Variants in DHX38 observed in about 807,000 individuals in gnomAD.
The protein encoded by DHX38 is pre-mRNA-splicing factor ATP-dependent RNA helicase PRP16.
DHX38 carries 100 observed loss-of-function variants against 153.1 expected under a neutral mutation model. That is an observed-to-expected ratio of 0.65 (90% confidence interval 0.56 to 0.77). The LOEUF (loss-of-function observed/expected upper bound fraction) is 0.77. Ranked by LOEUF, DHX38 falls within the 30% of genes least tolerant of loss-of-function variation. The pLI is 0.00. For synonymous variants in DHX38, 650 were observed against 631.7 expected, an observed-to-expected ratio of 1.03 and a Z score of -0.43; for missense variants, 1,440 against 1,654.0, an observed-to-expected ratio of 0.87 and a Z score of 2.24.
chr16:72,097,503 A>T, intron 3 of DHX38, 174 bp from the exon 4 acceptor site: 1 of 577,254 alleles, frequency 1.7e-6, no homozygotes, highest in Non-Finnish European at 3.0e-6. Flanking sequence ...GGCAGTAACT[A>T]TTTTTCCCCC....
Position 72,101,279 on chromosome 16 carries a change from T to C in DHX38, c.1386+86T>C, listed in dbSNP as rs2042096933. 10 of 1,467,694 alleles carry C rather than the reference T, an allele frequency of 6.8e-6. 1 individual carries two copies. The South Asian group carries it at 8.4e-5, about 12-fold the overall frequency. 90.9% of individuals were successfully genotyped at this position (1,467,694 alleles called of 1,614,324 possible). On this transcript the variant is annotated intron_variant, in intron 10 of 26. Transcript: ENST00000268482. ...TCATAAGTCTTACTAGGCCCACAGA[T>C]AGAAGTTAGGAGTCCCCTCTATCAA...
intron 25 of DHX38, among the ~76,000 whole-genome samples, chr16:72,110,019 C>T (rs534009183): frequency 5.1e-4 from 78 of 152,314 alleles, no homozygotes; most frequent in African/African-American, 1.8e-3. Flanking sequence ...GTCTCCAGTC[C>T]GCATTTGGAT....
At chr16:72,095,155 C>T (rs781449508) in intron 1 of DHX38, among the ~76,000 whole-genome samples, 4 of 152,210 alleles carry the variant, frequency 2.6e-5, no homozygotes, top group Non-Finnish European at 4.4e-5. Flanking sequence ...AGGAATTATC[C>T]AAGCATCCAG....
chr16:72,103,212 G>A lies in DHX38; in HGVS notation c.1637+1G>A. 2 of 1,612,898 alleles carry A rather than the reference G, an allele frequency of 1.2e-6. No homozygotes were observed. The highest frequency in any genetic ancestry group is 1.7e-6 in the Non-Finnish European group (2 of 1,179,194). ...AGCAGGAGCTGCTCACTATTATCAG[G>A]TAACTTCACCCGGGGCCCAGGAATC... On this transcript the variant is annotated splice_donor_variant, in intron 12 of 26. Coordinates refer to ENST00000268482, the MANE Select transcript of DHX38 (RefSeq NM_014003.4). LOFTEE classifies it high-confidence loss of function.
In DHX38 at chr16:72,104,607, T is replaced by A; in HGVS notation, c.2132T>A (p.Val711Asp). Residue 711 changes from valine to aspartate, a missense_variant, in exon 15 of 27, where the codon GTT (valine) becomes GAT (aspartate). Val to Asp is a radical substitution (Grantham distance 152). Around this residue, in one of 6 missense-constraint regions of DHX38, gnomAD observed 543 missense variants for 717.9 expected, o/e 0.76. Coordinates refer to ENST00000268482, the MANE Select transcript of DHX38 (RefSeq NM_014003.4). The surrounding 1 kb of genome is among the most constrained non-coding windows in gnomAD (Gnocchi z 4.5). ...IFHIPGRTFP[V>D]DILFSKTPQE... is the part of the protein sequence containing the mutation. ...CACATCCCTGGCCGTACCTTCCCTG[T>A]TGACATCCTCTTCAGCAAGGTATTG... 1 of 1,614,176 alleles carries A rather than the reference T, an allele frequency of 6.2e-7. No homozygotes were observed. Among genetic ancestry groups the A allele is most frequent in the Non-Finnish European group, 8.5e-7 (1 of 1,180,022 alleles).
At chr16:72,099,607 C>T (rs2042070932) in intron 7 of DHX38, 125 bp from the exon 8 acceptor site, 5 of 1,339,936 alleles carry the variant, frequency 3.7e-6, no homozygotes, top group African/African-American at 1.4e-5. Context: ...CTCTCCTGCA[C>T]CCCTCACAAG....
chr16:72,097,730 G>C lies in DHX38; in HGVS notation c.565G>C (p.Glu189Gln). Residue 189 changes from glutamate (E) to glutamine (Q), a missense_variant, in exon 4 of 27, where the codon GAG becomes CAG. By Grantham distance (29) the Glu-to-Gln change is conservative (BLOSUM62 2). This residue lies in a region of DHX38 where 483 missense variants were observed against 465.1 expected (regional missense o/e 1.04). Coordinates refer to ENST00000268482, the MANE Select transcript of DHX38 (RefSeq NM_014003.4). ...SSRSERDGGS[E>Q]RSSRRNEPES... ...CAGATCAGAGCGAGATGGAGGGTCA[G>C]AGCGTAGCAGCAGAAGAAATGAACC... is the stretch of plus-strand genomic sequence containing the variant. 6.2e-7 allele frequency: 1 copy of C among 1,614,174 alleles called. No individual in the cohort carries two copies. Among genetic ancestry groups the C allele is most frequent in the Non-Finnish European group, 8.5e-7 (1 of 1,180,008 alleles).
intron 8 of DHX38, 34 bp from the exon 9 acceptor site, chr16:72,100,402 C>T (rs757683394): frequency 1.2e-6 from 2 of 1,606,898 alleles, no homozygotes; most frequent in Middle Eastern, 1.7e-4. Flanking sequence ...TTTGGGGTGG[C>T]AATTTGAGTG....
Position 72,104,952 on chromosome 16 carries a change from C to T in DHX38, c.2152-75C>T. 4 of 1,409,640 alleles carry T rather than the reference C, an allele frequency of 2.8e-6. No homozygotes were observed. Among genetic ancestry groups the T allele is most frequent in the Non-Finnish European group, 3.9e-6 (4 of 1,025,170 alleles). The allele number at this position is 1,409,640 out of a possible 1,614,324, so 87.3% of individuals were successfully genotyped here. A position where few individuals can be genotyped will look rare whatever the true frequency, so the allele number is the denominator to read the frequency against. On this transcript the variant is annotated intron_variant, in intron 15 of 26. Coordinates refer to ENST00000268482, the MANE Select transcript of DHX38 (RefSeq NM_014003.4). This position sits in a 1 kb window ranked among gnomAD's most constrained non-coding sequence, Gnocchi z 4.5. The stretch of plus-strand genomic sequence containing the variant: ...GCTCCATTCCAGAGCAGTGCCTGGG[C>T]CACTGGGCTCCCAGGAGATGCCCGG...
Position 72,101,588 on chromosome 16 carries a change from C to T in DHX38, c.1475C>T (p.Thr492Met), listed in dbSNP as rs36064538. The change falls in exon 11 of 27, where the codon ACG (threonine) becomes ATG (methionine). Residue 492 changes from threonine (T) to methionine (M), a missense_variant. By Grantham distance (81) the Thr-to-Met change is moderately conservative (BLOSUM62 -1). Coordinates refer to ENST00000268482, the MANE Select transcript of DHX38 (RefSeq NM_014003.4). ...KKEEEPDKAV[T>M]EDGKVDYRTE... is the part of the protein sequence containing the mutation. ...GAGGAAGAGCCAGATAAAGCTGTGA[C>T]GGAGGATGGGAAGGTGGACTACAGG... 4.9e-3 allele frequency: 7,676 copies of T among 1,551,794 alleles called. 44 individuals are homozygous for T. The highest frequency in any genetic ancestry group is 6.7e-3 in the Middle Eastern group (40 of 5,984).
chr16:72,101,850 A>C (rs2042106385), intron 11 of DHX38, among the ~76,000 whole-genome samples: 1 of 152,114 alleles, frequency 6.6e-6, no homozygotes, highest in South Asian at 2.1e-4. Context: ...TTGTGAGAGG[A>C]AGGAGGCCCA....
rs2042149814 is a variant in DHX38, at chr16:72,104,723, T to C, written c.2151+97T>C. On this transcript the variant is annotated intron_variant, in intron 15 of 26. Transcript: ENST00000268482. The surrounding 1 kb of genome is among the most constrained non-coding windows in gnomAD (Gnocchi z 4.5). The stretch of plus-strand genomic sequence containing the variant: ...GGTGGAGGGTGGGTAGGGGACTGGG[T>C]TGGAGAAGATTTCCTGGGGACCATG... 3 of 1,546,108 alleles carry C rather than the reference T, an allele frequency of 1.9e-6. No individual in the cohort carries two copies. Among genetic ancestry groups the C allele is most frequent in the Non-Finnish European group, 2.6e-6 (3 of 1,138,128 alleles).
chr16:72,106,267 C>G (rs1008968831), intron 19 of DHX38, 150 bp downstream of exon 19: 1 of 709,856 alleles, frequency 1.4e-6, no homozygotes, highest in Non-Finnish European at 2.3e-6. Context: ...TCCTTTCATC[C>G]TATGCTACTG....
At position 72,098,676 on chromosome 16, in the gene DHX38, G is replaced by C; in HGVS notation, c.648G>C (p.Glu216Asp). 1 of 1,614,042 alleles carries C rather than the reference G, an allele frequency of 6.2e-7. No individual in the cohort carries two copies. The highest frequency in any genetic ancestry group is 2.2e-5 in the East Asian group (1 of 44,842). Reference sequence around the variant, plus strand: ...CCACCCCTTCAAGGTCTACCTGGGAGGAAGAGGACAGTGGCTATGGCTCCT... The same window carrying C: ...CCACCCCTTCAAGGTCTACCTGGGACGAAGAGGACAGTGGCTATGGCTCCT... ...DAATPSRSTW[E>D]EEDSGYGSSR... Residue 216 changes from glutamate (E) to aspartate (D), a missense_variant, in exon 5 of 27, where the codon GAG becomes GAC. Physicochemically the swap from Glu to Asp is conservative, Grantham distance 45. Transcript: ENST00000268482.
chr16:72,103,543 A>T, intron 12 of DHX38, 59 bp from the exon 13 acceptor site: 1 of 1,561,692 alleles, frequency 6.4e-7, no homozygotes, highest in Non-Finnish European at 8.7e-7. Flanking sequence ...GTCTTCTTGG[A>T]GGCTGGGTGT....
Position 72,107,685 on chromosome 16 carries a change from G to T in DHX38, c.2850G>T (p.Pro950=). The change falls in exon 21 of 27, where the codon CCG becomes CCT. Residue 950 remains proline, a synonymous_variant. Transcript: ENST00000268482. The surrounding 1 kb of genome is among the most constrained non-coding windows in gnomAD (Gnocchi z 5.3). Reference sequence around the variant, plus strand: ...CCGGGCGGCTGATGGTGGAGTTCCCGCTGGACCCTGCCCTGTCCAAGATGC... The same window carrying T: ...CCGGGCGGCTGATGGTGGAGTTCCCTCTGGACCCTGCCCTGTCCAAGATGC... ...TSTGRLMVEF[P]LDPALSKMLI... 6.2e-7 allele frequency: 1 copy of T among 1,614,114 alleles called. No homozygotes were observed. Among genetic ancestry groups the T allele is most frequent in the Non-Finnish European group, 8.5e-7 (1 of 1,180,036 alleles).
rs560422660 is a variant in DHX38, at chr16:72,104,818, T to A, written c.2151+192T>A. Among the ~76,000 whole-genome samples, 1 of 152,132 alleles carries A rather than the reference T, an allele frequency of 6.6e-6. No homozygotes were observed. Among genetic ancestry groups the A allele is most frequent in the African/African-American group, 2.4e-5 (1 of 41,418 alleles). On this transcript the variant is annotated intron_variant, in intron 15 of 26. Coordinates refer to ENST00000268482, the MANE Select transcript of DHX38 (RefSeq NM_014003.4). This position sits in a 1 kb window ranked among gnomAD's most constrained non-coding sequence, Gnocchi z 4.5. ...ACTCTGCTCTGGGTGAGGTTTTGTT[T>A]CATTATTTCTTTGAGGCTGAAGTAC... is the stretch of plus-strand genomic sequence containing the variant.
At chr16:72,110,201 A>G (rs2042238970) in intron 25 of DHX38, among the ~76,000 whole-genome samples, 1 of 152,232 alleles carries the variant, frequency 6.6e-6, no homozygotes, top group Non-Finnish European at 1.5e-5. Flanking sequence ...CCTGTCGAAT[A>G]GTCCATATGA....
rs1417510711 is a variant in DHX38, at chr16:72,103,746, C to G, written c.1782C>G (p.Ala594=). Residue 594 remains alanine (A), a synonymous_variant, in exon 13 of 27, where the codon GCC becomes GCG. Coordinates refer to ENST00000268482, the MANE Select transcript of DHX38 (RefSeq NM_014003.4). ...GGCGTGTAGCTGCCATGTCAGTGGC[C>G]AAGAGAGTCAGTGAAGAGATGGGGG... ...QPRRVAAMSV[A]KRVSEEMGGN... is the part of the protein sequence containing the mutation. The G allele has an allele frequency of 2.5e-6, 4 of 1,613,668 alleles. No homozygotes were observed. In the Admixed American group the frequency reaches 6.7e-5, roughly 27 times the overall value.
Sources: gnomAD v4.1 joint callset for allele counts (sites outside exome capture counted in the v4.1 genomes callset) on GRCh38, gnomAD v4.1.1 for gene constraint, gnomAD v4.1.1 regional missense constraint, Gnocchi (gnomAD v3.1) non-coding constraint, MANE v1.5 for transcripts, NCBI Gene and HGNC (gene_info 2026-07-23, HGNC 2026-07-21) for gene names.